Variants in ALPK2 observed in about 807,000 individuals in gnomAD.
ALPK2 encodes the protein alpha kinase 2, also known as alpha-protein kinase 2.
A neutral mutation model predicts 163.1 loss-of-function variants in ALPK2; 127 were observed. The ratio of observed to expected loss-of-function variants is 0.78; its 90% confidence interval spans 0.67 to 0.90. The LOEUF is 0.90. Ranked by LOEUF, ALPK2 falls within the 40% of genes least tolerant of loss-of-function variation. The pLI, the probability that ALPK2 is intolerant of heterozygous loss-of-function variation, is 0.00. For synonymous variants in ALPK2, 953 were observed against 959.1 expected (o/e 0.99, Z 0.12); for missense variants, 2,360 against 2,589.6 (o/e 0.91, Z 1.92).
At chr18:58,520,948 C>T (rs116697628) in intron 8 of ALPK2, among the ~76,000 whole-genome samples, 15 of 152,204 alleles carry the variant, frequency 9.9e-5, no homozygotes, top group African/African-American at 2.9e-4. Context: ...TCCAGGAGGC[C>T]GAGGCTGCAG....
At chr18:58,532,009 A>T (rs1371878135) in intron 5 of ALPK2, among the ~76,000 whole-genome samples, 1 of 151,366 alleles carries the variant, frequency 6.6e-6, no homozygotes, top group African/African-American at 2.4e-5. Flanking sequence ...GCCATTCCAA[A>T]AGGTAAATGC....
intron 5 of ALPK2, among the ~76,000 whole-genome samples, chr18:58,530,988 G>A (rs148537761): frequency 2.0e-5 from 3 of 152,122 alleles, no homozygotes; most frequent in Non-Finnish European, 4.4e-5. Context: ...GTCACCTGAG[G>A]CCAGGAGTTG....
rs10469212 is a variant in ALPK2 at position 58,535,186 on chromosome 18, T to C, written c.5001A>G (p.Lys1667=). 1,591,554 of 1,614,000 alleles carry C rather than the reference T, an allele frequency of 0.99. 786,174 individuals carry two copies. The highest frequency in any genetic ancestry group is 1 in the East Asian group (44,868 of 44,868). The change falls in exon 5 of 13, where the codon AAA becomes AAG. Residue 1667 remains lysine, a synonymous_variant. Coordinates refer to ENST00000361673, the MANE Select transcript of ALPK2 (RefSeq NM_052947.4). The part of the protein sequence containing the change: ...SGERELEKAP[K]LLQDPCQKGT... Reference sequence around the variant, plus strand: ...CCTTTTGACATGGATCCTGCAGTAATTTAGGGGCTTTCTCTAACTCACGTT... The same window carrying C: ...CCTTTTGACATGGATCCTGCAGTAACTTAGGGGCTTTCTCTAACTCACGTT...
At chr18:58,587,857 G>A (rs952626496) in intron 3 of ALPK2, among the ~76,000 whole-genome samples, 1 of 152,152 alleles carries the variant, frequency 6.6e-6, no homozygotes. Flanking sequence ...TTCAGAGAAG[G>A]GACTGCAATG....
intron 5 of ALPK2, among the ~76,000 whole-genome samples, chr18:58,532,271 A>G (rs903419529): frequency 1.6e-4 from 25 of 152,236 alleles, no homozygotes; most frequent in Admixed American, 1.2e-3. Flanking sequence ...TCCTAAAGAA[A>G]AGTGGGTGCC....
At chr18:58,614,805 A>G (rs530091437) in intron 1 of ALPK2, among the ~76,000 whole-genome samples, 182 of 151,408 alleles carry the variant, frequency 1.2e-3, no homozygotes, top group African/African-American at 3.7e-3. Context: ...GGCTTTCACT[A>G]TATTCAGAAT....
At chr18:58,556,960 G>A (rs2051796206) in intron 4 of ALPK2, 1 of 152,248 alleles carries the variant, frequency 6.6e-6, no homozygotes, top group Non-Finnish European at 1.5e-5. Context: ...GATCTCCTAA[G>A]CCCAATAACC....
chr18:58,607,381 G>A lies in ALPK2; in HGVS notation c.168C>T (p.Gly56=), dbSNP rs778337041. 2 of 1,613,652 alleles carry A rather than the reference G, an allele frequency of 1.2e-6. No individual in the cohort carries two copies. The highest frequency in any genetic ancestry group is 1.7e-6 in the Non-Finnish European group (2 of 1,179,848). ...CAAAGAATTCATAGTTGGAAATAAT[G>A]CCACTCCCATCGATGGCCTGACCAT... ...YKNGQAIDGS[G]IISNYEFFEN... Residue 56 remains glycine, a synonymous_variant, in exon 3 of 13, where the codon GGC becomes GGT. Transcript: ENST00000361673.
At chr18:58,487,875 CAA>C (rs34666733) in intron 12 of ALPK2, among the ~76,000 whole-genome samples, 69,640 of 151,798 alleles carry the variant, frequency 0.46, 16,073 homozygotes, top group Non-Finnish European at 0.49. Context: ...AAAACAAAAA[CAA>C]AAAATATGAA....
intron 1 of ALPK2, among the ~76,000 whole-genome samples, chr18:58,620,885 G>T (rs1180270937): frequency 6.6e-6 from 1 of 152,188 alleles, no homozygotes; most frequent in Non-Finnish European, 1.5e-5. Context: ...GCCCGGCACG[G>T]TGGCTCCCGT....
At chr18:58,627,469 A>G (rs1320444075) in intron 1 of ALPK2, among the ~76,000 whole-genome samples, 1 of 152,160 alleles carries the variant, frequency 6.6e-6, no homozygotes, top group East Asian at 1.9e-4. Context: ...AAAAATACAA[A>G]AAAAATTAGC....
chr18:58,566,695 G>A (rs1271251761), intron 4 of ALPK2: 1 of 152,164 alleles, frequency 6.6e-6, no homozygotes, highest in African/African-American at 2.4e-5. Flanking sequence ...TTTTGGATTA[G>A]TTACAATAAA....
intron 10 of ALPK2, among the ~76,000 whole-genome samples, chr18:58,507,758 C>A (rs1432570788): frequency 1.3e-5 from 2 of 152,184 alleles, no homozygotes; most frequent in East Asian, 3.8e-4. Flanking sequence ...TTCAAGCTGC[C>A]CTTGTTCATT....
intron 1 of ALPK2, among the ~76,000 whole-genome samples, chr18:58,619,176 A>G (rs1258742595): frequency 6.6e-6 from 1 of 152,194 alleles, no homozygotes; most frequent in Admixed American, 6.5e-5. Flanking sequence ...GAGACACTTA[A>G]CACATTTCGG....
At chr18:58,497,496 A>G (rs747957545) in intron 12 of ALPK2, among the ~76,000 whole-genome samples, 15 of 152,186 alleles carry the variant, frequency 9.9e-5, no homozygotes, top group Non-Finnish European at 1.8e-4. Flanking sequence ...ACACTAAGCA[A>G]AGCACCACTC....
chr18:58,489,909 C>T (rs900683084), intron 12 of ALPK2, among the ~76,000 whole-genome samples: 5 of 151,424 alleles, frequency 3.3e-5, no homozygotes, highest in East Asian at 2.0e-4. Flanking sequence ...ATCCTGGCCC[C>T]GTCTCTACTA....
intron 12 of ALPK2, among the ~76,000 whole-genome samples, chr18:58,487,906 C>T (rs766326677): frequency 6.6e-6 from 1 of 152,174 alleles, no homozygotes; most frequent in Non-Finnish European, 1.5e-5. Context: ...AATATATAGT[C>T]TTTTCTCAAC....
At chr18:58,615,618 G>A (rs1486873388) in intron 1 of ALPK2, among the ~76,000 whole-genome samples, 1 of 152,212 alleles carries the variant, frequency 6.6e-6, no homozygotes, top group Non-Finnish European at 1.5e-5. Flanking sequence ...CTTTTCTGCT[G>A]TGGGTTACCA....
At chr18:58,512,698 G>T (rs1285535135) in intron 10 of ALPK2, among the ~76,000 whole-genome samples, 1 of 145,688 alleles carries the variant, frequency 6.9e-6, no homozygotes, top group Non-Finnish European at 1.5e-5. Context: ...ATGTTCGTGT[G>T]GTGTGTATGT....
Sources: allele counts gnomAD v4.1 joint callset (sites outside exome capture counted in the v4.1 genomes callset), GRCh38; gene constraint gnomAD v4.1.1; transcripts MANE v1.5; gene names NCBI Gene and HGNC (gene_info 2026-07-23, HGNC 2026-07-21).